JMJD1C: variants seen among roughly 807,000 people sequenced by gnomAD.
JMJD1C encodes the protein jumonji domain-containing protein 1C.
Under a neutral mutation model 245.3 loss-of-function variants are expected in JMJD1C, and 31 were observed. The observed-to-expected ratio is 0.13, with a 90% CI of 0.09 to 0.17. The LOEUF is 0.17. JMJD1C is among the 10% of genes least tolerant of loss of function. The pLI is 1.00. For missense variants in JMJD1C, 2,691 were observed against 3,000.2 expected (o/e 0.90, Z 2.41); for synonymous variants, 1,057 against 1,017.4 (o/e 1.04, Z -0.74).
intron 2 of JMJD1C, among the ~76,000 whole-genome samples, chr10:63,326,425 T>TAAAG (rs377437192): frequency 2.9e-4 from 41 of 139,358 alleles, no homozygotes; most frequent in African/African-American, 9.5e-4. Flanking sequence ...AATAAATAAA[T>TAAAG]AAAGATAATA....
chr10:63,254,629 C>G (rs1853590055), intron 3 of JMJD1C, among the ~76,000 whole-genome samples: 1 of 152,136 alleles, frequency 6.6e-6, no homozygotes, highest in Admixed American at 6.5e-5. Flanking sequence ...CAGCCTTGAC[C>G]TCCTGGGCTC....
intron 1 of JMJD1C, among the ~76,000 whole-genome samples, chr10:63,449,337 C>T (rs988189413): frequency 6.6e-6 from 1 of 151,804 alleles, no homozygotes; most frequent in Non-Finnish European, 1.5e-5. Context: ...AAACAAAAGA[C>T]ATGATAAGGA....
intron 3 of JMJD1C, among the ~76,000 whole-genome samples, chr10:63,237,050 GTTT>G (rs1157627436): frequency 6.6e-6 from 1 of 151,934 alleles, no homozygotes; most frequent in South Asian, 2.1e-4. Context: ...GTTTTGTTTT[GTTT>G]TTTTAAGACA....
intron 1 of JMJD1C, chr10:63,521,259 C>T (rs1259814930): frequency 6.6e-6 from 1 of 151,334 alleles, no homozygotes; most frequent in Non-Finnish European, 1.5e-5. Context: ...CAGCCCTGGC[C>T]CGGGCCAACG....
chr10:63,447,140 A>T (rs1322287217), intron 1 of JMJD1C, among the ~76,000 whole-genome samples: 1 of 152,092 alleles, frequency 6.6e-6, no homozygotes, highest in Non-Finnish European at 1.5e-5. Context: ...TCTTAACAAG[A>T]GGAAGGAACA....
intron 3 of JMJD1C, among the ~76,000 whole-genome samples, chr10:63,256,831 T>C (rs1853999879): frequency 1.3e-5 from 2 of 152,158 alleles, no homozygotes; most frequent in Admixed American, 1.3e-4. Context: ...TTTAATCAAA[T>C]GTTAAAATGA....
At chr10:63,199,727 T>G (rs1845820765) in intron 11 of JMJD1C, among the ~76,000 whole-genome samples, 2 of 152,146 alleles carry the variant, frequency 1.3e-5, no homozygotes, top group African/African-American at 4.8e-5. Flanking sequence ...GGCTACAAAG[T>G]GAGGAAGAAA....
At chr10:63,288,456 A>G (rs75079089) in intron 2 of JMJD1C, among the ~76,000 whole-genome samples, 1 of 152,226 alleles carries the variant, frequency 6.6e-6, no homozygotes, top group Non-Finnish European at 1.5e-5. Context: ...CTATAAAAAA[A>G]TCCATGTTTA....
At chr10:63,447,299 T>C (rs1391496252) in intron 1 of JMJD1C, among the ~76,000 whole-genome samples, 2 of 152,194 alleles carry the variant, frequency 1.3e-5, no homozygotes, top group Non-Finnish European at 2.9e-5. Context: ...GTTCCCACAT[T>C]ATTTCTACAA....
chr10:63,207,117 G>A lies in JMJD1C; in HGVS notation c.4552C>T (p.Leu1518=), dbSNP rs1451665171. The change falls in exon 10 of 26, where the codon CTG becomes TTG. Residue 1518 remains leucine, a synonymous_variant. Transcript: ENST00000399262. ...GTACTACAGATTACAGTGCTATCCA[G>A]AGGAAGGGAGGCTGAAAGTGTCTGA... ...KNQTLSASLP[L]DSTVICSTIN... 1 of 1,614,206 alleles carries A rather than the reference G, an allele frequency of 6.2e-7. No individual in the cohort carries two copies. The highest frequency in any genetic ancestry group is 1.7e-5 in the Admixed American group (1 of 60,028).
At chr10:63,212,468 T>C (rs1327945146) in intron 8 of JMJD1C, among the ~76,000 whole-genome samples, 1 of 152,204 alleles carries the variant, frequency 6.6e-6, no homozygotes, top group African/African-American at 2.4e-5. Flanking sequence ...GGGCTAGTAT[T>C]GCTCTCAATA....
chr10:63,285,106 G>C (rs1404071724), intron 2 of JMJD1C, among the ~76,000 whole-genome samples: 1 of 152,176 alleles, frequency 6.6e-6, no homozygotes, highest in African/African-American at 2.4e-5. Context: ...CAACCAGTTT[G>C]TGACCAAACT....
At chr10:63,373,240 C>G (rs1946451079) in intron 2 of JMJD1C, among the ~76,000 whole-genome samples, 1 of 152,034 alleles carries the variant, frequency 6.6e-6, no homozygotes, top group Admixed American at 6.6e-5. Context: ...TTGTACAGGA[C>G]CAAGCAAAAA....
At chr10:63,485,053 G>A (rs1953951518) in intron 1 of JMJD1C, among the ~76,000 whole-genome samples, 1 of 150,662 alleles carries the variant, frequency 6.6e-6, no homozygotes, top group East Asian at 1.9e-4. Flanking sequence ...CTAAAGGGAT[G>A]GTAACAACAC....
intron 1 of JMJD1C, among the ~76,000 whole-genome samples, chr10:63,394,334 T>C (rs1589660274): frequency 6.6e-6 from 1 of 152,006 alleles, no homozygotes; most frequent in East Asian, 1.9e-4. Context: ...GTAATTCAAA[T>C]GGAAATGGAT....
At chr10:63,344,773 T>C (rs1018940794) in intron 2 of JMJD1C, among the ~76,000 whole-genome samples, 1 of 151,990 alleles carries the variant, frequency 6.6e-6, no homozygotes, top group African/African-American at 2.4e-5. Flanking sequence ...ACCAATAGTA[T>C]TCAATACCTA....
intron 24 of JMJD1C, among the ~76,000 whole-genome samples, chr10:63,169,864 G>A (rs1046336069): frequency 6.6e-6 from 1 of 152,126 alleles, no homozygotes; most frequent in Non-Finnish European, 1.5e-5. Context: ...GATGTTCAGC[G>A]CCTGTCCCAA....
At chr10:63,429,325 C>T (rs1950616134) in intron 1 of JMJD1C, among the ~76,000 whole-genome samples, 1 of 151,818 alleles carries the variant, frequency 6.6e-6, no homozygotes, top group Non-Finnish European at 1.5e-5. Flanking sequence ...CAAAATGTTG[C>T]CTCAGGATCT....
intron 2 of JMJD1C, among the ~76,000 whole-genome samples, chr10:63,343,037 T>G (rs1589531975): frequency 1.3e-5 from 2 of 152,060 alleles, no homozygotes. Flanking sequence ...CCAAGCATTG[T>G]GGATAAGGAT....
Sources: gnomAD v4.1 joint callset for allele counts (sites outside exome capture counted in the v4.1 genomes callset) on GRCh38, gnomAD v4.1.1 for gene constraint, MANE v1.5 for transcripts, NCBI Gene and HGNC (gene_info 2026-07-23, HGNC 2026-07-21) for gene names.